RAB31: variants seen among roughly 807,000 people sequenced by gnomAD.
RAB31 encodes the protein RAB31, member RAS oncogene family.
In RAB31, 21 loss-of-function variants were observed where a neutral mutation model predicts 25.6. The observed-to-expected ratio is 0.82, with a 90% CI of 0.58 to 1.18. The LOEUF (loss-of-function observed/expected upper bound fraction) is 1.18. Ranked by LOEUF, RAB31 falls within the 50% of genes most tolerant of loss-of-function variation. The pLI is 0.00. For synonymous variants in RAB31, 87 were observed against 84.0 expected, an observed-to-expected ratio of 1.04 and a Z score of -0.20; for missense variants, 196 against 250.1, an observed-to-expected ratio of 0.78 and a Z score of 1.46.
intron 1 of RAB31, among the ~76,000 whole-genome samples, chr18:9,713,635 T>TCATTTGAGGAG (rs1268748824): frequency 6.6e-6 from 1 of 152,154 alleles, no homozygotes; most frequent in Non-Finnish European, 1.5e-5. Flanking sequence ...TGTATCAGAA[T>TCATTTGAGGAG]CATTTGAGGA....
chr18:9,771,179 A>G (rs1439733144), intron 1 of RAB31, among the ~76,000 whole-genome samples: 1 of 152,164 alleles, frequency 6.6e-6, no homozygotes, highest in Non-Finnish European at 1.5e-5. Flanking sequence ...TCTTAAAAAA[A>G]TAAAGGAAAA....
At chr18:9,846,845 T>C (rs2068764508) in intron 6 of RAB31, among the ~76,000 whole-genome samples, 1 of 152,232 alleles carries the variant, frequency 6.6e-6, no homozygotes, top group African/African-American at 2.4e-5. Context: ...ACCTACACTA[T>C]GCAGAGATAT....
rs199991127 is a variant in RAB31 at position 9,836,833 on chromosome 18, C to T, written c.381-8749C>T. Among the ~76,000 whole-genome samples the T allele has an allele frequency of 4.8e-5, 7 of 144,846 alleles. 1 individual carries two copies. Among genetic ancestry groups the T allele is most frequent in the Admixed American group, 4.8e-4 (7 of 14,564 alleles). On this transcript the variant is annotated intron_variant, in intron 5 of 6. Transcript: ENST00000578921. ...ATGGGGAGATTCAGTGTGTGAGGAA[C>T]GGGGGGAAACACACGGGGAGAGTCA...
intron 5 of RAB31, among the ~76,000 whole-genome samples, chr18:9,824,425 T>C (rs1270387151): frequency 6.6e-6 from 1 of 151,742 alleles, no homozygotes; most frequent in African/African-American, 2.4e-5. Flanking sequence ...TGTGTAGATG[T>C]GTGTGTATGA....
chr18:9,769,854 T>G (rs1006538139), intron 1 of RAB31, among the ~76,000 whole-genome samples: 3 of 152,214 alleles, frequency 2.0e-5, no homozygotes, highest in Non-Finnish European at 1.5e-5. Context: ...TTGAGATACA[T>G]TCCATCAATA....
chr18:9,752,503 G>T (rs1209619545), intron 1 of RAB31, among the ~76,000 whole-genome samples: 2 of 152,174 alleles, frequency 1.3e-5, no homozygotes, highest in Non-Finnish European at 2.9e-5. Flanking sequence ...GGGATTACAG[G>T]CATGAGCCAT....
intron 1 of RAB31, among the ~76,000 whole-genome samples, chr18:9,760,378 G>T (rs991793981): frequency 2.0e-5 from 3 of 152,068 alleles, no homozygotes; most frequent in Non-Finnish European, 4.4e-5. Flanking sequence ...TTGCCATGTA[G>T]TGCAGGCTGG....
At position 9,810,051 on chromosome 18, in the gene RAB31, C is replaced by T. The variant is rs75663931; in HGVS notation, c.202-3969C>T. 3.1e-3 allele frequency among the ~76,000 whole-genome samples: 477 copies of T among 152,310 alleles called. 1 individual carries two copies. Among genetic ancestry groups the T allele is most frequent in the African/African-American group, 0.011 (458 of 41,566 alleles). ...TAATCACACACACTAAGGACATAAA[C>T]AGCTATTTCTTTTGAGGAGACACAC... On this transcript the variant is annotated intron_variant, in intron 3 of 6. Coordinates refer to ENST00000578921, the MANE Select transcript of RAB31 (RefSeq NM_006868.4).
chr18:9,858,850 C>T (rs1352381101), intron 6 of RAB31, among the ~76,000 whole-genome samples: 2 of 152,158 alleles, frequency 1.3e-5, no homozygotes, highest in Non-Finnish European at 2.9e-5. Context: ...ACCATGAAAG[C>T]CGCTCATTAA....
At chr18:9,710,849 C>A (rs1438755406) in intron 1 of RAB31, among the ~76,000 whole-genome samples, 1 of 151,894 alleles carries the variant, frequency 6.6e-6, no homozygotes, top group Admixed American at 6.6e-5. Context: ...CAGAGTGAGA[C>A]TCTATCTCAA....
intron 1 of RAB31, among the ~76,000 whole-genome samples, chr18:9,736,687 A>C (rs1231929407): frequency 6.6e-6 from 1 of 152,208 alleles, no homozygotes; most frequent in African/African-American, 2.4e-5. Context: ...AATGTTTATT[A>C]ATAATAAGAT....
At chr18:9,777,011 A>C (rs77009901) in intron 2 of RAB31, among the ~76,000 whole-genome samples, 1 of 152,154 alleles carries the variant, frequency 6.6e-6, no homozygotes, top group African/African-American at 2.4e-5. Context: ...GGGATGCTCA[A>C]CTGGGTAAGT....
chr18:9,792,008 C>T, intron 2 of RAB31, 146 bp from the exon 3 acceptor site: 1 of 1,099,118 alleles, frequency 9.1e-7, no homozygotes, highest in South Asian at 2.0e-5. Flanking sequence ...TGTCATGAGT[C>T]TTCTAGCCCT....
chr18:9,844,485 A>C (rs2143133162), intron 5 of RAB31, among the ~76,000 whole-genome samples: 1 of 152,252 alleles, frequency 6.6e-6, no homozygotes, highest in South Asian at 2.1e-4. Context: ...GGTCTATTGA[A>C]CAGAACACAT....
intron 1 of RAB31, among the ~76,000 whole-genome samples, chr18:9,769,701 C>T (rs2068334438): frequency 6.6e-6 from 1 of 152,004 alleles, no homozygotes; most frequent in Non-Finnish European, 1.5e-5. Flanking sequence ...GCCTGGTTGC[C>T]CTGGCTAGAA....
chr18:9,847,072 C>T (rs2143138986), intron 6 of RAB31, among the ~76,000 whole-genome samples: 1 of 152,294 alleles, frequency 6.6e-6, no homozygotes, highest in Non-Finnish European at 1.5e-5. Flanking sequence ...ACCCCATGTC[C>T]CCACATTCCT....
chr18:9,719,312 TATATATATATATATATAAATAA>T (rs1294899171), intron 1 of RAB31, among the ~76,000 whole-genome samples: 15 of 65,702 alleles, frequency 2.3e-4, no homozygotes, highest in South Asian at 5.6e-4. Context: ...TATATATATA[TATATATATATATATATAAATAA>T]ATAAATTTGA....
At chr18:9,823,839 A>C (rs939301672) in intron 5 of RAB31, among the ~76,000 whole-genome samples, 1 of 152,204 alleles carries the variant, frequency 6.6e-6, no homozygotes, top group African/African-American at 2.4e-5. Context: ...TTTAGGAAAG[A>C]GGGAAGGGGA....
At chr18:9,729,977 CTA>C (rs1435521691) in intron 1 of RAB31, among the ~76,000 whole-genome samples, 1 of 151,996 alleles carries the variant, frequency 6.6e-6, no homozygotes, top group East Asian at 1.9e-4. Context: ...GGACATTTGT[CTA>C]TGTGGTAAAT....
Sources: gnomAD v4.1 joint callset for allele counts (sites outside exome capture counted in the v4.1 genomes callset) on GRCh38, gnomAD v4.1.1 for gene constraint, MANE v1.5 for transcripts, NCBI Gene and HGNC (gene_info 2026-07-23, HGNC 2026-07-21) for gene names.